The following MYH11 variants were observed in gnomAD, a reference collection of about 807,000 sequenced individuals.
The protein encoded by MYH11 is myosin heavy chain 11.
Under a neutral mutation model 246.6 loss-of-function variants are expected in MYH11, and 80 were observed. The observed-to-expected ratio is 0.32, with a 90% CI of 0.27 to 0.39. The LOEUF (loss-of-function observed/expected upper bound fraction) is 0.39. Ranked by LOEUF, MYH11 falls within the 10% of genes least tolerant of loss-of-function variation. The pLI is 1.00. For synonymous variants in MYH11, 1,071 were observed against 1,015.5 expected, an observed-to-expected ratio of 1.05 and a Z score of -1.04; for missense variants, 2,158 against 2,546.8, an observed-to-expected ratio of 0.85 and a Z score of 3.29.
chr16:15,803,141 A>G (rs977954039), intron 3 of MYH11, among the ~76,000 whole-genome samples: 2 of 151,334 alleles, frequency 1.3e-5, no homozygotes, highest in African/African-American at 4.9e-5. Context: ...CATCTCAAAG[A>G]AAAAAAAAGC....
intron 38 of MYH11, among the ~76,000 whole-genome samples, chr16:15,715,512 A>G (rs1281239105): frequency 6.6e-6 from 1 of 152,238 alleles, no homozygotes; most frequent in African/African-American, 2.4e-5. Context: ...AGCAGACAAC[A>G]TAGTGTGTGA....
intron 3 of MYH11, among the ~76,000 whole-genome samples, chr16:15,822,455 G>A (rs1254314120): frequency 6.6e-6 from 1 of 152,110 alleles, no homozygotes; most frequent in Non-Finnish European, 1.5e-5. Flanking sequence ...AAAGTGGGAG[G>A]ATCGCCTGAG....
At chr16:15,812,878 T>C (rs532151620) in intron 3 of MYH11, among the ~76,000 whole-genome samples, 8 of 138,662 alleles carry the variant, frequency 5.8e-5, no homozygotes, top group Non-Finnish European at 1.3e-4. Flanking sequence ...GTCTCAAAAA[T>C]AAAAAAGACT....
intron 2 of MYH11, among the ~76,000 whole-genome samples, chr16:15,827,545 G>A (rs2043604829): frequency 6.6e-6 from 1 of 152,172 alleles, no homozygotes; most frequent in South Asian, 2.1e-4. Context: ...GGGGCTGCCT[G>A]CCTGGACACC....
chr16:15,737,946 C>T (rs1455247894), intron 24 of MYH11, among the ~76,000 whole-genome samples: 5 of 152,082 alleles, frequency 3.3e-5, no homozygotes, highest in Admixed American at 6.6e-5. Flanking sequence ...GCGCCCGCCA[C>T]CACGCCTGGC....
chr16:15,771,795 G>C, intron 8 of MYH11, 83 bp from the exon 9 acceptor site: 1 of 1,547,418 alleles, frequency 6.5e-7, no homozygotes, highest in Admixed American at 1.8e-5. Context: ...CAAGGGTCTG[G>C]GCCATCATAA....
intron 8 of MYH11, among the ~76,000 whole-genome samples, chr16:15,774,734 C>T (rs1266287427): frequency 3.9e-5 from 6 of 152,136 alleles, no homozygotes; most frequent in Admixed American, 3.3e-4. Flanking sequence ...GGATGACAGG[C>T]GCCAGCCACC....
At position 15,748,114 on chromosome 16, in the gene MYH11, G is replaced by A. The variant is rs1158550365; in HGVS notation, c.2113C>T (p.Leu705=). Residue 705 remains leucine (L), a synonymous_variant, in exon 17 of 41, where the codon CTG becomes TTG. Transcript: ENST00000300036. Reference sequence around the variant, plus strand: ...TGCCGGCAGATGCGAATGCCTTCCAGCACCCCATTGCACCGCAGCTGCTCC... The same window carrying A: ...TGCCGGCAGATGCGAATGCCTTCCAACACCCCATTGCACCGCAGCTGCTCC... ...VLEQLRCNGV[L]EGIRICRQGF... is the part of the protein sequence containing the mutation. 3 of 1,614,062 alleles carry A rather than the reference G, an allele frequency of 1.9e-6. No homozygotes were observed. The African/African-American group carries it at 4.0e-5, about 22-fold the overall frequency.
Position 15,724,323 on chromosome 16 carries a change from G to A in MYH11, c.4203C>T (p.Ile1401=), listed in dbSNP as rs760611400. ...EEGKKRFQKE[I]ENLTQQYEEK... ...CCTCGTACTGCTGGGTGAGGTTCTCGATCTCCTTCTGGAACCTCTTCTTCC... is the reference window on the plus strand; with the variant it reads ...CCTCGTACTGCTGGGTGAGGTTCTCAATCTCCTTCTGGAACCTCTTCTTCC... Residue 1401 remains isoleucine, a synonymous_variant, in exon 31 of 41, where the codon ATC becomes ATT. Transcript: ENST00000300036. 154 of 1,613,970 alleles carry A rather than the reference G, an allele frequency of 9.5e-5. No individual in the cohort carries two copies. Among genetic ancestry groups the A allele is most frequent in the South Asian group, 1.6e-4 (15 of 91,082 alleles).
intron 3 of MYH11, among the ~76,000 whole-genome samples, chr16:15,805,928 A>C (rs2042999819): frequency 1.3e-5 from 2 of 152,006 alleles, no homozygotes; most frequent in South Asian, 4.2e-4. Flanking sequence ...AAAATATATA[A>C]ATAGTATGAA....
At chr16:15,731,881 C>T (rs774166557) in intron 27 of MYH11, among the ~76,000 whole-genome samples, 1 of 152,052 alleles carries the variant, frequency 6.6e-6, no homozygotes, top group East Asian at 1.9e-4. Context: ...CTCAACCTCC[C>T]AGGCTCAAAC....
At chr16:15,767,219 G>A (rs2042002843) in intron 9 of MYH11, among the ~76,000 whole-genome samples, 1 of 152,108 alleles carries the variant, frequency 6.6e-6, no homozygotes, top group African/African-American at 2.4e-5. Context: ...AGGATGGATT[G>A]ATGGATGAAT....
chr16:15,708,883 CAAG>C (rs1427807138), intron 40 of MYH11: 25 of 1,576,868 alleles, frequency 1.6e-5, no homozygotes, highest in East Asian at 4.5e-5. Flanking sequence ...CATCAGCAAA[CAAG>C]AAGGAGCCCG....
chr16:15,716,252 G>C (rs940620411), intron 38 of MYH11, among the ~76,000 whole-genome samples: 1 of 152,034 alleles, frequency 6.6e-6, no homozygotes, highest in Non-Finnish European at 1.5e-5. Context: ...TGTTTGAGCC[G>C]ATGAAAATGT....
intron 1 of MYH11, among the ~76,000 whole-genome samples, chr16:15,856,306 A>G (rs1322889124): frequency 6.7e-6 from 1 of 148,672 alleles, no homozygotes; most frequent in Non-Finnish European, 1.5e-5. Flanking sequence ...GGGGTTCTCA[A>G]CATAGAAGAA....
At chr16:15,706,719 A>C (rs926401091) in intron 40 of MYH11, among the ~76,000 whole-genome samples, 1 of 152,022 alleles carries the variant, frequency 6.6e-6, no homozygotes, top group Admixed American at 6.6e-5. Context: ...AAAAAACAAA[A>C]AAAAATCTGA....
chr16:15,832,943 C>CT lies in MYH11; in HGVS notation c.345+4964dup, dbSNP rs780380104. ...CACATCTGAGCTTCAGCAACCTCAT[C>CT]TTTTTTTTTTTTTTTTTTTTTTTTT... On this transcript the variant is annotated intron_variant, in intron 2 of 40. Coordinates refer to ENST00000300036, the MANE Select transcript of MYH11 (RefSeq NM_002474.3). Among the ~76,000 whole-genome samples, 350 of 55,434 alleles carry CT rather than the reference C, an allele frequency of 6.3e-3. 46 individuals carry two copies. The highest frequency in any genetic ancestry group is 0.014 in the Middle Eastern group (1 of 70). The allele number at this position is 55,434 out of a possible 152,430, so 36.4% of individuals were successfully genotyped here. A position where few individuals can be genotyped will look rare whatever the true frequency, so the allele number is the denominator to read the frequency against.
chr16:15,763,742 C>CGGGCG, intron 10 of MYH11, 54 bp downstream of exon 10: 1 of 627,776 alleles, frequency 1.6e-6, no homozygotes, highest in Non-Finnish European at 3.0e-6. Flanking sequence ...AATGTCACCT[C>CGGGCG]CCCCACCCCC....
At chr16:15,806,630 T>A (rs2043020616) in intron 3 of MYH11, among the ~76,000 whole-genome samples, 1 of 152,336 alleles carries the variant, frequency 6.6e-6, no homozygotes, top group East Asian at 1.9e-4. Flanking sequence ...AAACCTTTTT[T>A]AAAAATGATG....
Sources: allele counts gnomAD v4.1 joint callset (sites outside exome capture counted in the v4.1 genomes callset), GRCh38; gene constraint gnomAD v4.1.1; transcripts MANE v1.5; gene names NCBI Gene and HGNC (gene_info 2026-07-23, HGNC 2026-07-21).